NCOR1: variants seen among roughly 807,000 people sequenced by gnomAD.
NCOR1 encodes protein phosphatase 1, regulatory subunit 109.
A neutral mutation model predicts 288.1 loss-of-function variants in NCOR1; 63 were observed. That is an observed-to-expected ratio of 0.22 (90% CI 0.18 to 0.27). The LOEUF (loss-of-function observed/expected upper bound fraction) is 0.27. Ranked by LOEUF, NCOR1 falls within the 10% of genes least tolerant of loss-of-function variation. The pLI is 1.00. For missense variants in NCOR1, 2,397 were observed against 3,019.2 expected, an observed-to-expected ratio of 0.79 and a Z score of 4.83; for synonymous variants, 1,007 against 1,065.9, an observed-to-expected ratio of 0.94 and a Z score of 1.08.
At chr17:16,151,188 T>C (rs1349667803) in intron 8 of NCOR1, among the ~76,000 whole-genome samples, 1 of 143,352 alleles carries the variant, frequency 7.0e-6, no homozygotes, top group African/African-American at 2.5e-5. Context: ...CCTAAAATTC[T>C]CTTAAAGTAT....
chr17:16,108,301 G>C (rs537655778), intron 19 of NCOR1: 2 of 294,724 alleles, frequency 6.8e-6, no homozygotes, highest in Admixed American at 3.9e-5. Flanking sequence ...CTTGTCATTA[G>C]TTTAAATGAC....
At chr17:16,121,402 ATC>A in intron 15 of NCOR1, 133 bp from the exon 16 acceptor site, 3 of 679,240 alleles carry the variant, frequency 4.4e-6, no homozygotes, top group Non-Finnish European at 6.9e-6. Context: ...AAAAAAAATT[ATC>A]AACAATTCTG....
In NCOR1 at chr17:16,080,591, G is replaced by A. The variant is rs2063245926; in HGVS notation, c.3298+16C>T. The A allele has an allele frequency of 1.2e-6, 2 of 1,614,126 alleles. No homozygotes were observed. The highest frequency in any genetic ancestry group is 1.1e-5 in the South Asian group (1 of 91,074). On this transcript the variant is annotated intron_variant, in intron 24 of 45. Transcript: ENST00000268712. ...CTACAAACGTAGATGCATTATGACT[G>A]TATTAACTCACTGACCTGATTTGGC... is the stretch of plus-strand genomic sequence containing the variant.
chr17:16,142,626 C>G (rs145247887), intron 11 of NCOR1, among the ~76,000 whole-genome samples: 1,654 of 152,090 alleles, frequency 0.011, 36 homozygotes, highest in African/African-American at 0.037. Context: ...ATAGCCTGAC[C>G]CAAAGGTTTA....
chr17:16,036,962 C>T (rs1293186419), intron 44 of NCOR1, among the ~76,000 whole-genome samples: 1 of 152,266 alleles, frequency 6.6e-6, no homozygotes, highest in Non-Finnish European at 1.5e-5. Flanking sequence ...TTCAGCCTGT[C>T]TTGGCTTTCA....
At chr17:16,186,861 T>C in intron 2 of NCOR1, among the ~76,000 whole-genome samples, 174 bp from the exon 3 acceptor site, 1 of 152,290 alleles carries the variant, frequency 6.6e-6, no homozygotes, top group East Asian at 1.9e-4. Flanking sequence ...ATTTTAACTA[T>C]ATATCATTAA....
intron 42 of NCOR1, chr17:16,041,084 A>C (rs1029846148): frequency 1.3e-5 from 2 of 152,576 alleles, no homozygotes; most frequent in South Asian, 2.1e-4. Context: ...GAAAGCCACC[A>C]CAGTGAATAC....
chr17:16,146,735 A>G (rs1462928225), intron 9 of NCOR1, among the ~76,000 whole-genome samples, 187 bp from the exon 10 acceptor site: 1 of 152,240 alleles, frequency 6.6e-6, no homozygotes, highest in Admixed American at 6.5e-5. Flanking sequence ...TAAGATCAAC[A>G]CATAGAGCAC....
intron 44 of NCOR1, among the ~76,000 whole-genome samples, chr17:16,035,848 G>A (rs1413477637): frequency 6.6e-6 from 1 of 151,978 alleles, no homozygotes; most frequent in Non-Finnish European, 1.5e-5. Flanking sequence ...GGCCTCTCTT[G>A]CTATTTCTCC....
chr17:16,096,513 A>G (rs2066647408), intron 21 of NCOR1, among the ~76,000 whole-genome samples: 1 of 152,142 alleles, frequency 6.6e-6, no homozygotes, highest in South Asian at 2.1e-4. Context: ...ACTATTCAAA[A>G]CCTAATTACA....
chr17:16,057,422 T>C (rs1013252416), intron 40 of NCOR1, 92 bp downstream of exon 40: 10 of 1,277,328 alleles, frequency 7.8e-6, no homozygotes, highest in South Asian at 3.9e-5. Flanking sequence ...AAATGAACTT[T>C]AGTTGTGAGA....
At chr17:16,177,042 C>A (rs2084342095) in intron 3 of NCOR1, among the ~76,000 whole-genome samples, 1 of 152,018 alleles carries the variant, frequency 6.6e-6, no homozygotes, top group African/African-American at 2.4e-5. Flanking sequence ...GTCCTCCCTA[C>A]AAGTTCTTTC....
chr17:16,144,001 G>A (rs1472579262), intron 10 of NCOR1, among the ~76,000 whole-genome samples: 1 of 152,130 alleles, frequency 6.6e-6, no homozygotes, highest in Non-Finnish European at 1.5e-5. Context: ...TTCTTTGTAT[G>A]CCCTGTAGTA....
At chr17:16,178,498 C>CAAA (rs564320622) in intron 3 of NCOR1, among the ~76,000 whole-genome samples, 598 of 32,698 alleles carry the variant, frequency 0.018, 34 homozygotes, top group African/African-American at 0.06. Context: ...GACTCCGTCT[C>CAAA]AAAAAAAAAA....
At chr17:16,131,459 G>T (rs9902141) in intron 14 of NCOR1, among the ~76,000 whole-genome samples, 63,515 of 151,948 alleles carry the variant, frequency 0.42, 15,141 homozygotes, top group Middle Eastern at 0.55. Flanking sequence ...ATATATATGT[G>T]CTAATTATAT....
intron 6 of NCOR1, among the ~76,000 whole-genome samples, 156 bp downstream of exon 6, chr17:16,158,604 C>G (rs1386309949): frequency 6.6e-6 from 1 of 152,054 alleles, no homozygotes; most frequent in Non-Finnish European, 1.5e-5. Context: ...GAAAAAAACA[C>G]CAAGCTTCAG....
intron 11 of NCOR1, among the ~76,000 whole-genome samples, chr17:16,140,456 GAGTCCAAGTCTAATCTGGGC>G (rs992394810): frequency 1.3e-5 from 2 of 152,116 alleles, no homozygotes; most frequent in Admixed American, 1.3e-4. Flanking sequence ...TTGAGCCCAG[GAGTCCAAGTCTAATCTGGGC>G]AGTATAGTGA....
At chr17:16,148,772 G>A (rs893117912) in intron 9 of NCOR1, among the ~76,000 whole-genome samples, 5 of 149,450 alleles carry the variant, frequency 3.3e-5, no homozygotes, top group Non-Finnish European at 5.9e-5. Flanking sequence ...AAATAAAGCT[G>A]CTGACTCTTG....
intron 19 of NCOR1, among the ~76,000 whole-genome samples, chr17:16,105,826 G>A (rs577654698): frequency 5.3e-5 from 8 of 152,268 alleles, no homozygotes; most frequent in East Asian, 1.9e-4. Context: ...ATGGCCAGGC[G>A]CGGTGGCTCA....
Sources: allele counts gnomAD v4.1 joint callset (sites outside exome capture counted in the v4.1 genomes callset), GRCh38; gene constraint gnomAD v4.1.1; transcripts MANE v1.5; gene names NCBI Gene and HGNC (gene_info 2026-07-23, HGNC 2026-07-21).